The following NELL2 variants were observed in gnomAD, a reference collection of about 807,000 sequenced individuals.
NELL2 encodes neural EGFL like 2.
NELL2 carries 41 observed loss-of-function variants against 109.6 expected under a neutral mutation model. The observed-to-expected ratio is 0.37, with a 90% CI of 0.29 to 0.49. The LOEUF is 0.49. Among genes scored for constraint, NELL2 ranks in the 20% least tolerant of loss-of-function variants. NELL2 has a pLI of 0.98. For synonymous variants in NELL2, 355 were observed against 344.7 expected (o/e 1.03, Z -0.33); for missense variants, 900 against 1,008.3 (o/e 0.89, Z 1.45).
Position 44,776,032 on chromosome 12 carries a change from CA to C in NELL2, c.880del (p.Cys294AlafsTer4). On this transcript the variant is annotated frameshift_variant, in exon 8 of 20. Transcript: ENST00000429094. LOFTEE classifies it high-confidence loss of function. ...AAATAGAAGCCATACCAGGCATGTG[CA>C]GTTCTTACAGCCGTCTATCCAGGAC... Reference protein sequence around the residue: ...FESWIDGCKNCTCLNGTIQCE... With the variant: ...FESWIDGCKNXTCLNGTIQCE... The C allele has an allele frequency of 6.2e-7, 1 of 1,613,608 alleles. No homozygotes were observed. Among genetic ancestry groups the C allele is most frequent in the Non-Finnish European group, 8.5e-7 (1 of 1,179,810 alleles).
At chr12:44,801,048 T>C (rs1942811889) in intron 3 of NELL2, among the ~76,000 whole-genome samples, 1 of 151,950 alleles carries the variant, frequency 6.6e-6, no homozygotes, top group South Asian at 2.1e-4. Context: ...ACCTCAGGAG[T>C]TCCCAACTGA....
At position 44,588,075 on chromosome 12, in the gene NELL2, CGGGAGGTGGAGGTTGCA is replaced by C. The variant is rs1161189363; in HGVS notation, c.1663+19077_1663+19093del. ...CTGAGGCGGGAGAATGGTGTGAACC[CGGGAGGTGGAGGTTGCA>C]GGGAGGCGGAGGTTGCAGTGAGCCG... On this transcript the variant is annotated intron_variant, in intron 15 of 19. Transcript: ENST00000429094. 2.8e-3 allele frequency among the ~76,000 whole-genome samples: 418 copies of C among 151,032 alleles called. 2 individuals are homozygous for C. Among genetic ancestry groups the C allele is most frequent in the African/African-American group, 9.4e-3 (385 of 41,056 alleles).
chr12:44,788,234 C>G (rs954252481), intron 3 of NELL2, among the ~76,000 whole-genome samples: 3 of 152,046 alleles, frequency 2.0e-5, no homozygotes, highest in Admixed American at 6.5e-5. Context: ...AGCTCCAGAT[C>G]GACTGCAAGA....
At chr12:44,718,426 A>G (rs932335760) in intron 9 of NELL2, among the ~76,000 whole-genome samples, 1 of 152,194 alleles carries the variant, frequency 6.6e-6, no homozygotes, top group Non-Finnish European at 1.5e-5. Flanking sequence ...CATTTTTACT[A>G]TATTTGTTGC....
intron 1 of NELL2, among the ~76,000 whole-genome samples, chr12:44,900,639 A>G (rs1945649481): frequency 6.6e-6 from 1 of 152,202 alleles, no homozygotes; most frequent in South Asian, 2.1e-4. Context: ...TTACAGCACT[A>G]AATGCCCACA....
At chr12:44,664,943 C>T (rs879199260) in intron 13 of NELL2, among the ~76,000 whole-genome samples, 1 of 152,022 alleles carries the variant, frequency 6.6e-6, no homozygotes, top group Non-Finnish European at 1.5e-5. Flanking sequence ...ACACTACTAA[C>T]ACAATATCCC....
chr12:44,547,515 T>C (rs1942848990), intron 15 of NELL2, among the ~76,000 whole-genome samples: 1 of 152,244 alleles, frequency 6.6e-6, no homozygotes, highest in Non-Finnish European at 1.5e-5. Context: ...CAGTTATCTT[T>C]AATTGGTAAT....
intron 15 of NELL2, among the ~76,000 whole-genome samples, chr12:44,551,377 G>A (rs777035322): frequency 5.3e-5 from 8 of 152,100 alleles, no homozygotes; most frequent in Non-Finnish European, 1.2e-4. Context: ...TATATGTCAT[G>A]TGCATTCACA....
intron 9 of NELL2, among the ~76,000 whole-genome samples, chr12:44,718,210 G>A (rs1019013660): frequency 3.9e-5 from 6 of 152,120 alleles, no homozygotes; most frequent in Non-Finnish European, 7.4e-5. Flanking sequence ...AAAGCAGATC[G>A]GGCCTATGCC....
Position 44,779,721 on chromosome 12 carries a change from A to C in NELL2, c.548T>G (p.Leu183Trp), listed in dbSNP as rs781624093. The change falls in exon 5 of 20, where the codon TTG (leucine) becomes TGG (tryptophan). Residue 183 changes from leucine to tryptophan, a missense_variant. Leu to Trp is a moderately conservative substitution (Grantham distance 61, BLOSUM62 -2). Around this residue, in one of 4 missense-constraint regions of NELL2, gnomAD observed 75 missense variants for 118.9 expected, o/e 0.63. Transcript: ENST00000429094. ...ERVVEKPSTD[L>W]PLGTTFWLGQ... ...TAGCCAAAATGTTGTGCCTAGAGGC[A>C]AGTCTGTGGAGGGCTTTTCTACTAC... The C allele has an allele frequency of 7.4e-6, 12 of 1,613,904 alleles. No individual in the cohort carries two copies. In the East Asian group the frequency reaches 2.7e-4, roughly 36 times the overall value.
intron 9 of NELL2, among the ~76,000 whole-genome samples, chr12:44,736,172 G>A (rs1014751077): frequency 4.0e-5 from 6 of 151,524 alleles, no homozygotes; most frequent in Admixed American, 1.3e-4. Context: ...CACCATGCCC[G>A]GCTAATTTTT....
At chr12:44,541,406 A>G (rs1942565269) in intron 15 of NELL2, among the ~76,000 whole-genome samples, 1 of 152,090 alleles carries the variant, frequency 6.6e-6, no homozygotes. Context: ...GAGAGGAATA[A>G]AAAGTTCTTG....
chr12:44,795,175 G>A (rs1410656209), intron 3 of NELL2, among the ~76,000 whole-genome samples: 1 of 152,148 alleles, frequency 6.6e-6, no homozygotes, highest in Admixed American at 6.6e-5. Context: ...TTTTTCTGCT[G>A]CCTTAAATTA....
At chr12:44,691,819 C>T (rs1050493137) in intron 12 of NELL2, among the ~76,000 whole-genome samples, 2 of 152,134 alleles carry the variant, frequency 1.3e-5, no homozygotes, top group African/African-American at 2.4e-5. Context: ...CCTGAACCCT[C>T]TTCAATTCTA....
chr12:44,676,602 T>G (rs1948329112), intron 12 of NELL2, among the ~76,000 whole-genome samples: 2 of 152,170 alleles, frequency 1.3e-5, no homozygotes, highest in South Asian at 4.1e-4. Flanking sequence ...CATTTTGTAA[T>G]TTCATTCATT....
chr12:44,585,594 A>G (rs912077802), intron 15 of NELL2, among the ~76,000 whole-genome samples: 1 of 152,174 alleles, frequency 6.6e-6, no homozygotes, highest in Non-Finnish European at 1.5e-5. Flanking sequence ...ACGAGACAGA[A>G]CTAAATGTAT....
At chr12:44,694,037 C>A (rs973002117) in intron 12 of NELL2, among the ~76,000 whole-genome samples, 3 of 152,194 alleles carry the variant, frequency 2.0e-5, no homozygotes, top group African/African-American at 4.8e-5. Flanking sequence ...GCTCTTCTCT[C>A]TCTTTCTCTT....
At chr12:44,838,865 G>C (rs922744918) in intron 2 of NELL2, among the ~76,000 whole-genome samples, 7 of 152,104 alleles carry the variant, frequency 4.6e-5, no homozygotes, top group Non-Finnish European at 8.8e-5. Flanking sequence ...ATTTCAATAT[G>C]CAGACCATCA....
At chr12:44,844,315 A>C (rs1476399373) in intron 2 of NELL2, among the ~76,000 whole-genome samples, 2 of 152,216 alleles carry the variant, frequency 1.3e-5, no homozygotes, top group Non-Finnish European at 2.9e-5. Flanking sequence ...GAAGAGAAAA[A>C]ACAAGTTGGG....
Sources: allele counts gnomAD v4.1 joint callset (sites outside exome capture counted in the v4.1 genomes callset), GRCh38; gene constraint gnomAD v4.1.1; regional missense constraint gnomAD v4.1.1; transcripts MANE v1.5; gene names NCBI Gene and HGNC (gene_info 2026-07-23, HGNC 2026-07-21).